PIK3C2G: variants seen among roughly 807,000 people sequenced by gnomAD.
The protein encoded by PIK3C2G is phosphatidylinositol-4-phosphate 3-kinase catalytic subunit type 2 gamma.
Under a neutral mutation model 181.1 loss-of-function variants are expected in PIK3C2G, and 168 were observed. That is an observed-to-expected ratio of 0.93 (90% CI 0.82 to 1.05). The LOEUF is 1.05. Ranked by LOEUF, PIK3C2G falls within the 50% of genes least tolerant of loss-of-function variation. PIK3C2G has a pLI of 0.00. For synonymous variants in PIK3C2G, 573 were observed against 592.2 expected, an observed-to-expected ratio of 0.97 and a Z score of 0.47; for missense variants, 1,869 against 1,732.8, an observed-to-expected ratio of 1.08 and a Z score of -1.40.
chr12:18,374,992 T>G (rs1190057181), intron 13 of PIK3C2G, among the ~76,000 whole-genome samples: 1 of 152,220 alleles, frequency 6.6e-6, no homozygotes, highest in Non-Finnish European at 1.5e-5. Context: ...AACTCTTCTC[T>G]TTTAAATTGC....
intron 5 of PIK3C2G, among the ~76,000 whole-genome samples, chr12:18,301,174 T>C (rs896308820): frequency 2.0e-5 from 3 of 152,166 alleles, no homozygotes; most frequent in African/African-American, 7.2e-5. Flanking sequence ...TTGGCTACAA[T>C]GTGCAATGGA....
intron 24 of PIK3C2G, among the ~76,000 whole-genome samples, chr12:18,521,813 G>A (rs1018967812): frequency 4.6e-5 from 7 of 152,264 alleles, no homozygotes; most frequent in African/African-American, 1.7e-4. Context: ...GAGCTCAGCA[G>A]GCTTAAGCAG....
chr12:18,640,251 G>A (rs1480745724), intron 31 of PIK3C2G, among the ~76,000 whole-genome samples, 178 bp from the exon 32 acceptor site: 1 of 152,006 alleles, frequency 6.6e-6, no homozygotes, highest in Non-Finnish European at 1.5e-5. Context: ...CTTTTAAACT[G>A]TAGTTTGGAA....
chr12:18,538,450 A>C, intron 25 of PIK3C2G, 138 bp downstream of exon 25: 1 of 640,998 alleles, frequency 1.6e-6, no homozygotes, highest in Non-Finnish European at 2.6e-6. Flanking sequence ...TAAGAGTACC[A>C]TTGTACAGCT....
chr12:18,655,336 A>G, the PIK3C2G span, among the ~76,000 whole-genome samples: 1 of 152,206 alleles, frequency 6.6e-6, no homozygotes, highest in Non-Finnish European at 1.5e-5. Flanking sequence ...AGCTGGGACA[A>G]GTTGGGTAAG....
At chr12:18,512,671 CT>C (rs1447496292) in intron 24 of PIK3C2G, among the ~76,000 whole-genome samples, 2 of 151,726 alleles carry the variant, frequency 1.3e-5, no homozygotes, top group African/African-American at 4.8e-5. Context: ...TAGTGAATTC[CT>C]TTATCAGTTC....
chr12:18,512,963 A>G (rs941898115), intron 24 of PIK3C2G, among the ~76,000 whole-genome samples: 1 of 151,964 alleles, frequency 6.6e-6, no homozygotes, highest in East Asian at 1.9e-4. Context: ...CCTGAGGTAC[A>G]TATCCTTTAT....
chr12:18,581,859 G>T (rs953087154), intron 29 of PIK3C2G, among the ~76,000 whole-genome samples: 3 of 152,148 alleles, frequency 2.0e-5, no homozygotes, highest in African/African-American at 7.2e-5. Flanking sequence ...GGACTAGACT[G>T]TGCAGAACCC....
At chr12:18,586,543 G>A (rs932438172) in intron 29 of PIK3C2G, among the ~76,000 whole-genome samples, 1 of 151,952 alleles carries the variant, frequency 6.6e-6, no homozygotes, top group Admixed American at 6.6e-5. Context: ...CCCTAAACAG[G>A]CCAATAATGA....
chr12:18,582,483 G>A (rs967731389), intron 29 of PIK3C2G, among the ~76,000 whole-genome samples: 1 of 152,128 alleles, frequency 6.6e-6, no homozygotes. Context: ...CACACGTGAA[G>A]CACCAGGAGC....
intron 17 of PIK3C2G, among the ~76,000 whole-genome samples, chr12:18,422,505 A>G (rs10743272): frequency 1 from 152,148 of 152,152 alleles, 76,072 homozygotes; most frequent in Middle Eastern, 1. Flanking sequence ...CTGTAAGAAA[A>G]GACCCTAAGG....
downstream of PIK3C2G, among the ~76,000 whole-genome samples, chr12:18,650,696 GTGTGTGTGTATATATCTATATA>G (rs1565602354): frequency 0.047 from 2,051 of 43,422 alleles, 175 homozygotes; most frequent in Middle Eastern, 0.062. Flanking sequence ...GTGTGTGTGT[GTGTGTGTGTATATATCTATATA>G]TATATATATA....
Position 18,405,869 on chromosome 12 carries a change from CTTATT to C in PIK3C2G, c.2315+6025_2315+6029del, listed in dbSNP as rs201378276. Among the ~76,000 whole-genome samples, 1,163 of 152,184 alleles carry C rather than the reference CTTATT, an allele frequency of 7.6e-3. 14 individuals carry two copies. The highest frequency in any genetic ancestry group is 0.027 in the African/African-American group (1,108 of 41,512). On this transcript the variant is annotated intron_variant, in intron 16 of 32. Transcript: ENST00000538779. ...ATTAACAAAGTCATCATCTCACAAA[CTTATT>C]TTTGTGTTTAGAATGTTAAAAATTT...
chr12:18,694,041 C>T, the PIK3C2G span: 1 of 1,402,830 alleles, frequency 7.1e-7, no homozygotes, highest in African/African-American at 1.4e-5. Flanking sequence ...TTCAAAAAAT[C>T]TAAAGAAAAT....
chr12:18,418,549 T>C (rs1302521248), intron 16 of PIK3C2G, among the ~76,000 whole-genome samples: 1 of 152,074 alleles, frequency 6.6e-6, no homozygotes, highest in Non-Finnish European at 1.5e-5. Flanking sequence ...AATAAAATAG[T>C]TTAAGGGATT....
At chr12:18,643,852 C>A (rs1336103874) in intron 32 of PIK3C2G, among the ~76,000 whole-genome samples, 1 of 152,074 alleles carries the variant, frequency 6.6e-6, no homozygotes, top group Non-Finnish European at 1.5e-5. Context: ...CCACTCACCA[C>A]AGCTGGGATT....
At chr12:18,619,575 T>C (rs1948751136) in intron 31 of PIK3C2G, among the ~76,000 whole-genome samples, 1 of 152,166 alleles carries the variant, frequency 6.6e-6, no homozygotes, top group East Asian at 1.9e-4. Context: ...TCATTTTCTT[T>C]CAGTTTATAA....
At chr12:18,480,555 T>A (rs975579623) in intron 18 of PIK3C2G, among the ~76,000 whole-genome samples, 1 of 152,030 alleles carries the variant, frequency 6.6e-6, no homozygotes, top group Non-Finnish European at 1.5e-5. Flanking sequence ...GGCTCAGACA[T>A]TGGACCAAAT....
At chr12:18,342,676 C>T (rs1216580840) in intron 9 of PIK3C2G, among the ~76,000 whole-genome samples, 2 of 151,576 alleles carry the variant, frequency 1.3e-5, no homozygotes, top group African/African-American at 4.8e-5. Context: ...CCTAAGCCAC[C>T]AAAGTAATTC....
Sources: allele counts gnomAD v4.1 joint callset (sites outside exome capture counted in the v4.1 genomes callset), GRCh38; gene constraint gnomAD v4.1.1; transcripts MANE v1.5; gene names NCBI Gene and HGNC (gene_info 2026-07-23, HGNC 2026-07-21).